The following TRIM25 variants were observed in gnomAD, a reference collection of about 807,000 sequenced individuals.
TRIM25 encodes tripartite motif containing 25.
Under a neutral mutation model 65.2 loss-of-function variants are expected in TRIM25, and 45 were observed. That is an observed-to-expected ratio of 0.69 (90% CI 0.54 to 0.89). The LOEUF is 0.89. Among genes scored for constraint, TRIM25 ranks in the 40% least tolerant of loss-of-function variants. The pLI, the probability that TRIM25 is intolerant of heterozygous loss-of-function variation, is 0.00. For synonymous variants in TRIM25, 321 were observed against 340.4 expected (o/e 0.94, Z 0.63); for missense variants, 714 against 803.7 (o/e 0.89, Z 1.35).
In TRIM25 at chr17:56,908,471, C is replaced by T. The variant is rs1909563468; in HGVS notation, c.690G>A (p.Val230=). The T allele has an allele frequency of 1.2e-6, 2 of 1,613,792 alleles. No individual in the cohort carries two copies. The highest frequency in any genetic ancestry group is 1.3e-5 in the African/African-American group (1 of 75,048). The change falls in exon 2 of 9, where the codon GTG becomes GTA. Residue 230 remains valine, a synonymous_variant. Coordinates refer to ENST00000316881, the MANE Select transcript of TRIM25 (RefSeq NM_005082.5). ...LDDVRNRQQD[V]RMTANRKVEQ... ...CTTGGAGAGCCCTGCCACTCACCCG[C>T]ACATCCTGCTGCCTGTTTCTCACAT...
chr17:56,890,760 G>T lies in TRIM25; in HGVS notation c.*940C>A. On this transcript the variant is annotated 3_prime_UTR_variant, in exon 9 of 9. Coordinates refer to ENST00000316881, the MANE Select transcript of TRIM25 (RefSeq NM_005082.5). ...ACCGAGAAGAGTTGTCAGTAAGAAG[G>T]CAGGACACTCTAACACGAGCAAACC... 2.2e-6 allele frequency: 1 copy of T among 456,504 alleles called. No homozygotes were observed. The highest frequency in any genetic ancestry group is 4.4e-6 in the Non-Finnish European group (1 of 226,928). The allele number at this position is 456,504 out of a possible 1,614,324, so 28.3% of individuals were successfully genotyped here. A position where few individuals can be genotyped will look rare whatever the true frequency, so the allele number is the denominator to read the frequency against.
At position 56,904,477 on chromosome 17, in the gene TRIM25, G is replaced by A. The variant is rs1184882467; in HGVS notation, c.705C>T (p.Asn235=). Residue 235 remains asparagine, a synonymous_variant, in exon 3 of 9, where the codon AAC becomes AAT. Transcript: ENST00000316881. ...CTTGTTGTAGCTGCTCCACCTTTCT[G>A]TTTGCAGTCATCTGAGAGGGCCAAG... ...NRQQDVRMTA[N]RKVEQLQQEY... 6.2e-7 allele frequency: 1 copy of A among 1,613,990 alleles called. No homozygotes were observed. Among genetic ancestry groups the A allele is most frequent in the Non-Finnish European group, 8.5e-7 (1 of 1,180,026 alleles).
chr17:56,893,206 G>A (rs1179762187), intron 8 of TRIM25, among the ~76,000 whole-genome samples: 1 of 149,996 alleles, frequency 6.7e-6, no homozygotes, highest in Non-Finnish European at 1.5e-5. Context: ...CTGGTGGGCA[G>A]CAGGGAGCCA....
At chr17:56,892,335 AC>A in intron 8 of TRIM25, 106 bp from the exon 9 acceptor site, 1 of 1,232,628 alleles carries the variant, frequency 8.1e-7, no homozygotes, top group Non-Finnish European at 1.1e-6. Flanking sequence ...CCATCCATGC[AC>A]CCATCTACCC....
chr17:56,891,554 A>AAC lies in TRIM25; in HGVS notation c.*145_*146insGT. 1 of 272,548 alleles carries AAC rather than the reference A, an allele frequency of 3.7e-6. No individual in the cohort carries two copies. Among genetic ancestry groups the AAC allele is most frequent in the Non-Finnish European group, 7.2e-6 (1 of 139,798 alleles). The allele number at this position is 272,548 out of a possible 1,614,324, so 16.9% of individuals were successfully genotyped here. ...CTCACCCCTTTCCTGGCTAAATCCC[A>AAC]CCTCCCACCCTCCCGCCAGCTCCCC... On this transcript the variant is annotated 3_prime_UTR_variant, in exon 9 of 9. Coordinates refer to ENST00000316881, the MANE Select transcript of TRIM25 (RefSeq NM_005082.5).
chr17:56,895,238 G>T, intron 8 of TRIM25, 105 bp downstream of exon 8: 1 of 788,900 alleles, frequency 1.3e-6, no homozygotes. Context: ...CAAGTGAAGG[G>T]GAGTGGCTGA....
rs1298537441 is a variant in TRIM25, at chr17:56,908,500, C to G, written c.661G>C (p.Asp221His). The change falls in exon 2 of 9, where the codon GAT becomes CAT. Residue 221 changes from aspartate (D) to histidine (H), a missense_variant. This residue lies in a region of TRIM25 where 413 missense variants were observed against 498.2 expected (regional missense o/e 0.83). Transcript: ENST00000316881. Reference sequence around the variant, plus strand: ...TCCTGCTGCCTGTTTCTCACATCATCCAGTGCTCTCGACGCCCCGTTGATC... The same window carrying G: ...TCCTGCTGCCTGTTTCTCACATCATGCAGTGCTCTCGACGCCCCGTTGATC... ...SQINGASRAL[D>H]DVRNRQQDVR... 1.2e-6 allele frequency: 2 copies of G among 1,614,050 alleles called. No individual in the cohort carries two copies. Among genetic ancestry groups the G allele is most frequent in the Non-Finnish European group, 1.7e-6 (2 of 1,180,032 alleles).
rs918548303 is a variant in TRIM25 at position 56,890,625 on chromosome 17, C to T, written c.*1075G>A. On this transcript the variant is annotated 3_prime_UTR_variant, in exon 9 of 9. Transcript: ENST00000316881. ...CCGAGGCAGCCGCATAGCCTGTCTG[C>T]ATGATAGCAGGCTTCAGGGATCCAG... The T allele has an allele frequency of 8.8e-6, 4 of 456,564 alleles. No homozygotes were observed. The highest frequency in any genetic ancestry group is 1.8e-5 in the Non-Finnish European group (4 of 226,966). 28.3% of individuals were successfully genotyped at this position (456,564 alleles called of 1,614,324 possible).
At chr17:56,909,959 G>C (rs1720009824) in intron 1 of TRIM25, among the ~76,000 whole-genome samples, 2 of 152,116 alleles carry the variant, frequency 1.3e-5, no homozygotes, top group Non-Finnish European at 1.5e-5. Flanking sequence ...CACTGTTCTA[G>C]TGCTTTACCT....
chr17:56,909,513 T>C (rs1006720169), intron 1 of TRIM25, among the ~76,000 whole-genome samples: 29 of 152,090 alleles, frequency 1.9e-4, no homozygotes, highest in South Asian at 4.2e-4. Flanking sequence ...GGCAAAACCC[T>C]GTCTCTACTA....
intron 5 of TRIM25, among the ~76,000 whole-genome samples, chr17:56,896,195 T>G (rs1202798083): frequency 6.6e-6 from 1 of 152,188 alleles, no homozygotes. Flanking sequence ...GGGAAATTCT[T>G]TATCTTGATT....
intron 5 of TRIM25, among the ~76,000 whole-genome samples, chr17:56,898,491 G>C (rs963324292): frequency 6.6e-6 from 1 of 152,206 alleles, no homozygotes; most frequent in East Asian, 1.9e-4. Context: ...TCAATGGCAG[G>C]TGCCTGCCCA....
At position 56,895,386 on chromosome 17, in the gene TRIM25, C is replaced by A; in HGVS notation, c.1320G>T (p.Val440=). The change falls in exon 8 of 9, where the codon GTG becomes GTT. Residue 440 remains valine, a synonymous_variant. Coordinates refer to ENST00000316881, the MANE Select transcript of TRIM25 (RefSeq NM_005082.5). ...HPNSTSLKAK[V]LETFLAKSRP... ...TGGACTTGGCCAGGAAGGTCTCCAG[C>A]ACCTTGGCCTTGAGAGATGTTGAGT... The A allele has an allele frequency of 6.2e-7, 1 of 1,614,128 alleles. No homozygotes were observed. Among genetic ancestry groups the A allele is most frequent in the Non-Finnish European group, 8.5e-7 (1 of 1,180,022 alleles).
At position 56,895,563 on chromosome 17, in the gene TRIM25, C is replaced by T. The variant is rs1406309094; in HGVS notation, c.1222G>A (p.Ala408Thr). Residue 408 changes from alanine to threonine, a missense_variant, in exon 7 of 9, where the codon GCC (alanine) becomes ACC (threonine). Coordinates refer to ENST00000316881, the MANE Select transcript of TRIM25 (RefSeq NM_005082.5). ...TTTAAATCCACTAACTGTTCCGGGG[C>T]TCCAAACGTGGGAAGCTTGCTGGGT... ...ALPSKLPTFG[A>T]PEQLVDLKQA... 1 of 1,583,860 alleles carries T rather than the reference C, an allele frequency of 6.3e-7. No homozygotes were observed. The highest frequency in any genetic ancestry group is 1.7e-5 in the Admixed American group (1 of 57,994).
Position 56,891,556 on chromosome 17 carries a change from C to G in TRIM25, c.*144G>C, listed in dbSNP as rs984078871. On this transcript the variant is annotated 3_prime_UTR_variant, in exon 9 of 9. Transcript: ENST00000316881. ...CACCCCTTTCCTGGCTAAATCCCAC[C>G]TCCCACCCTCCCGCCAGCTCCCCTC... is the stretch of plus-strand genomic sequence containing the variant. 2.0e-6 allele frequency: 1 copy of G among 490,906 alleles called. No homozygotes were observed. The highest frequency in any genetic ancestry group is 3.6e-6 in the Non-Finnish European group (1 of 277,294). 30.4% of individuals were successfully genotyped at this position (490,906 alleles called of 1,614,324 possible). A position where few individuals can be genotyped will look rare whatever the true frequency, so the allele number is the denominator to read the frequency against.
Position 56,904,277 on chromosome 17 carries a change from C to T in TRIM25, c.905G>A (p.Arg302Lys), listed in dbSNP as rs1174980015. 6.2e-7 allele frequency: 1 copy of T among 1,614,022 alleles called. No individual in the cohort carries two copies. Among genetic ancestry groups the T allele is most frequent in the African/African-American group, 1.3e-5 (1 of 74,992 alleles). The change falls in exon 3 of 9, where the codon AGG becomes AAG. Residue 302 changes from arginine to lysine, a missense_variant. Arg to Lys is a conservative substitution (Grantham distance 26). Coordinates refer to ENST00000316881, the MANE Select transcript of TRIM25 (RefSeq NM_005082.5). ...KEEIEQSLTK[R>K]DEFEFLEKAS... ...TACCTCCAGAAACTCGAACTCATCC[C>T]TCTTGGTCAGGCTCTGTTCAATCTC...
At position 56,913,439 on chromosome 17, in the gene TRIM25, T is replaced by C. The variant is rs144052631; in HGVS notation, c.550A>G (p.Lys184Glu). The C allele has an allele frequency of 2.1e-4, 341 of 1,605,122 alleles. 2 individuals are homozygous for C. Among genetic ancestry groups the C allele is most frequent in the Middle Eastern group, 6.6e-4 (4 of 6,016 alleles). ...CICHICLVEH[K>E]TCSPASLSQA... ...CTCAGGGACGCGGGAGAGCAGGTCT[T>C]ATGCTCCACCAGGCAGATGTGGCAG... The change falls in exon 1 of 9, where the codon AAG (lysine) becomes GAG (glutamate). Residue 184 changes from lysine (K) to glutamate (E), a missense_variant. Physicochemically the swap from Lys to Glu is moderately conservative, Grantham distance 56 (BLOSUM62 1). Around this residue, in one of 3 missense-constraint regions of TRIM25, gnomAD observed 291 missense variants for 281.8 expected, o/e 1.03. Transcript: ENST00000316881. The surrounding 1 kb of genome is among the most constrained non-coding windows in gnomAD (Gnocchi z 6.1).
chr17:56,911,197 G>C (rs1303537777), intron 1 of TRIM25, among the ~76,000 whole-genome samples: 1 of 152,014 alleles, frequency 6.6e-6, no homozygotes, highest in Non-Finnish European at 1.5e-5. Context: ...TGAGTCCAGG[G>C]TTTAAGGTTA....
chr17:56,904,333 C>G lies in TRIM25; in HGVS notation c.849G>C (p.Lys283Asn). The G allele has an allele frequency of 6.2e-7, 1 of 1,614,104 alleles. No homozygotes were observed. Among genetic ancestry groups the G allele is most frequent in the Non-Finnish European group, 8.5e-7 (1 of 1,180,026 alleles). Residue 283 changes from lysine to asparagine, a missense_variant, in exon 3 of 9, where the codon AAG becomes AAC. Physicochemically the swap from Lys to Asn is moderately conservative, Grantham distance 94. Coordinates refer to ENST00000316881, the MANE Select transcript of TRIM25 (RefSeq NM_005082.5). ...TCAAGGTCTGGATCTCACTCTTCTT[C>G]TTGAGGAGAATCTGATAAATGGTGT... ...KFDTIYQILL[K>N]KKSEIQTLKE...
Sources: gnomAD v4.1 joint callset for allele counts (sites outside exome capture counted in the v4.1 genomes callset) on GRCh38, gnomAD v4.1.1 for gene constraint, gnomAD v4.1.1 regional missense constraint, Gnocchi (gnomAD v3.1) non-coding constraint, MANE v1.5 for transcripts, NCBI Gene and HGNC (gene_info 2026-07-23, HGNC 2026-07-21) for gene names.